RALGAPA1: variants seen among roughly 807,000 people sequenced by gnomAD.
RALGAPA1 encodes the protein ral GTPase-activating protein subunit alpha-1.
RALGAPA1 carries 52 observed loss-of-function variants against 269.6 expected under a neutral mutation model. The ratio of observed to expected loss-of-function variants is 0.19; its 90% CI spans 0.15 to 0.24. The LOEUF (loss-of-function observed/expected upper bound fraction) is 0.24, where lower values mean the gene tolerates loss of function less well. RALGAPA1 is among the 10% of genes least tolerant of loss of function. The pLI, the probability that RALGAPA1 is intolerant of heterozygous loss-of-function variation, is 1.00. For missense variants in RALGAPA1, 1,917 were observed against 3,013.9 expected, an observed-to-expected ratio of 0.64 and a Z score of 8.52; for synonymous variants, 817 against 1,008.3, an observed-to-expected ratio of 0.81 and a Z score of 3.60.
intron 9 of RALGAPA1, among the ~76,000 whole-genome samples, chr14:35,749,879 A>T (rs768535856): frequency 6.6e-6 from 1 of 152,184 alleles, no homozygotes; most frequent in Non-Finnish European, 1.5e-5. Context: ...AGAAAATCTG[A>T]GGAGAGGAAA....
chr14:35,575,769 T>G (rs1427604315), intron 37 of RALGAPA1, among the ~76,000 whole-genome samples: 1 of 151,338 alleles, frequency 6.6e-6, no homozygotes, highest in African/African-American at 2.5e-5. Context: ...TAATTTTTTA[T>G]TTTTAGTAGA....
At chr14:35,720,331 T>A (rs1405747764) in intron 16 of RALGAPA1, among the ~76,000 whole-genome samples, 1 of 152,360 alleles carries the variant, frequency 6.6e-6, no homozygotes, top group East Asian at 1.9e-4. Flanking sequence ...TAACCATGTA[T>A]TTTAATTCTT....
At chr14:35,592,448 A>T (rs1339112213) in intron 37 of RALGAPA1, among the ~76,000 whole-genome samples, 1 of 152,218 alleles carries the variant, frequency 6.6e-6, no homozygotes, top group Non-Finnish European at 1.5e-5. Flanking sequence ...TATTACCAAT[A>T]TTTAAACTCT....
chr14:35,713,455 A>G (rs1269257327), intron 16 of RALGAPA1, among the ~76,000 whole-genome samples: 3 of 152,182 alleles, frequency 2.0e-5, no homozygotes, highest in Non-Finnish European at 4.4e-5. Context: ...TTCAGGTTCC[A>G]TTAGTGTCTT....
intron 30 of RALGAPA1, among the ~76,000 whole-genome samples, chr14:35,653,284 T>C (rs1049627190): frequency 6.6e-6 from 1 of 152,198 alleles, no homozygotes; most frequent in Non-Finnish European, 1.5e-5. Flanking sequence ...TGGTACATAG[T>C]AGGTGTTTAA....
intron 10 of RALGAPA1, among the ~76,000 whole-genome samples, chr14:35,745,045 C>A (rs1462496294): frequency 6.6e-6 from 1 of 152,174 alleles, no homozygotes; most frequent in Non-Finnish European, 1.5e-5. Flanking sequence ...AGACCAGAGA[C>A]CTATGTCCTT....
chr14:35,797,855 A>AG (rs2076692233), intron 1 of RALGAPA1, among the ~76,000 whole-genome samples: 1 of 151,196 alleles, frequency 6.6e-6, no homozygotes, highest in Admixed American at 6.6e-5. Flanking sequence ...AAAAAAAAAA[A>AG]AAATAGCTAA....
chr14:35,620,450 A>G (rs1471487036), intron 35 of RALGAPA1, among the ~76,000 whole-genome samples: 1 of 152,176 alleles, frequency 6.6e-6, no homozygotes, highest in African/African-American at 2.4e-5. Flanking sequence ...GAAAACTGGT[A>G]CAAGACAAGG....
Position 35,728,452 on chromosome 14 carries a change from T to C in RALGAPA1, c.1646A>G (p.Asn549Ser), listed in dbSNP as rs542760192. The change falls in exon 13 of 42, where the codon AAT becomes AGT. Residue 549 changes from asparagine (N) to serine (S), a missense_variant. This residue lies in a region of RALGAPA1 where 462 missense variants were observed against 725.6 expected (regional missense o/e 0.64). Coordinates refer to ENST00000680220, the MANE Select transcript of RALGAPA1 (RefSeq NM_001346249.2). ...CATATCTGTGTGTTCATCCAGAAGA[T>C]TTTTTATTTCATTTGCAGGTTCAAG... ...FLLEPANEIK[N>S]LLDEHTDMCK... 3.7e-6 allele frequency: 6 copies of C among 1,609,924 alleles called. No homozygotes were observed. Among genetic ancestry groups the C allele is most frequent in the South Asian group, 2.2e-5 (2 of 89,854 alleles).
chr14:35,601,168 T>C (rs2059268869), intron 36 of RALGAPA1, among the ~76,000 whole-genome samples: 1 of 152,194 alleles, frequency 6.6e-6, no homozygotes, highest in African/African-American at 2.4e-5. Context: ...TGCTGGGTGA[T>C]GGTAAAAGTC....
At chr14:35,760,709 T>C (rs2073625297) in intron 6 of RALGAPA1, 120 bp downstream of exon 6, 1 of 632,216 alleles carries the variant, frequency 1.6e-6, no homozygotes, top group Non-Finnish European at 2.7e-6. Flanking sequence ...ATAAAAGCTA[T>C]GTTTTAAAGC....
intron 1 of RALGAPA1, among the ~76,000 whole-genome samples, chr14:35,783,457 C>G (rs1191032760): frequency 6.6e-6 from 1 of 151,860 alleles, no homozygotes; most frequent in Non-Finnish European, 1.5e-5. Flanking sequence ...AACCAAAAAC[C>G]TAAATGTAAA....
At chr14:35,756,141 A>C (rs2073149096) in intron 7 of RALGAPA1, among the ~76,000 whole-genome samples, 1 of 152,236 alleles carries the variant, frequency 6.6e-6, no homozygotes, top group Non-Finnish European at 1.5e-5. Context: ...GCTGATCACA[A>C]ATGAAAGGAT....
Position 35,659,205 on chromosome 14 carries a change from A to AG in RALGAPA1, c.5329-10dup. ...GTTTTGATTATAAGTTCCTAAAATA[A>AG]GGGGGAAATAGTTAACGGCAATGAC... On this transcript the variant is annotated splice_polypyrimidine_tract_variant and intron_variant, in intron 27 of 41. Transcript: ENST00000680220. 1 of 1,600,708 alleles carries AG rather than the reference A, an allele frequency of 6.2e-7. No homozygotes were observed. Among genetic ancestry groups the AG allele is most frequent in the Non-Finnish European group, 8.5e-7 (1 of 1,171,442 alleles).
chr14:35,639,741 C>T (rs1432486444), intron 31 of RALGAPA1, among the ~76,000 whole-genome samples: 3 of 151,936 alleles, frequency 2.0e-5, no homozygotes, highest in African/African-American at 4.8e-5. Flanking sequence ...AGATTGAGAC[C>T]ATCCTGGCTA....
chr14:35,703,120 C>T (rs2067507908), intron 16 of RALGAPA1, among the ~76,000 whole-genome samples: 1 of 152,060 alleles, frequency 6.6e-6, no homozygotes, highest in Non-Finnish European at 1.5e-5. Flanking sequence ...TCCCTTGGAA[C>T]TTTTTCCATA....
Position 35,688,569 on chromosome 14 carries a change from G to A in RALGAPA1, c.3842C>T (p.Ser1281Leu), listed in dbSNP as rs577877384. 49 of 1,536,088 alleles carry A rather than the reference G, an allele frequency of 3.2e-5. No individual in the cohort carries two copies. Among genetic ancestry groups the A allele is most frequent in the Admixed American group, 5.9e-5 (3 of 51,006 alleles). Residue 1281 changes from serine (S) to leucine (L), a missense_variant, in exon 18 of 42, where the codon TCG (serine) becomes TTG (leucine). Ser to Leu is a moderately radical substitution (Grantham distance 145). Coordinates refer to ENST00000680220, the MANE Select transcript of RALGAPA1 (RefSeq NM_001346249.2). ...GVYKTVVHAL[S>L]KPKANVSPQR... is the part of the protein sequence containing the mutation. ...TGGGGAAACATTTGCCTTCGGCTTC[G>A]AAAGAGCATGTACAACAGTTTTATA...
In RALGAPA1 at chr14:35,790,666, T is replaced by C. The variant is rs556417820; in HGVS notation, c.107-14921A>G. On this transcript the variant is annotated intron_variant, in intron 1 of 41. Coordinates refer to ENST00000680220, the MANE Select transcript of RALGAPA1 (RefSeq NM_001346249.2). ...TCGCGCCACTGCACTCCAGCCTGGGTGACAAGAAGAGACTGTCTAAAAAAA... is the reference window on the plus strand; with the variant it reads ...TCGCGCCACTGCACTCCAGCCTGGGCGACAAGAAGAGACTGTCTAAAAAAA... 2.2e-5 allele frequency among the ~76,000 whole-genome samples: 3 copies of C among 136,732 alleles called. No individual in the cohort carries two copies. In the East Asian group the frequency reaches 6.4e-4, roughly 29 times the overall value. 89.7% of individuals were successfully genotyped at this position (136,732 alleles called of 152,430 possible).
intron 1 of RALGAPA1, among the ~76,000 whole-genome samples, chr14:35,794,198 C>T (rs2076392494): frequency 1.3e-5 from 2 of 152,024 alleles, no homozygotes; most frequent in African/African-American, 2.4e-5. Context: ...AGTTTGGCTG[C>T]GCACAGTGGC....
Sources: allele counts gnomAD v4.1 joint callset (sites outside exome capture counted in the v4.1 genomes callset), GRCh38; gene constraint gnomAD v4.1.1; regional missense constraint gnomAD v4.1.1; transcripts MANE v1.5; gene names NCBI Gene and HGNC (gene_info 2026-07-23, HGNC 2026-07-21).